The following COP1 variants were observed in gnomAD, a reference collection of about 807,000 sequenced individuals.
COP1 encodes E3 ubiquitin-protein ligase COP1.
A neutral mutation model predicts 101.3 loss-of-function variants in COP1; 24 were observed. The ratio of observed to expected loss-of-function variants is 0.24; its 90% confidence interval spans 0.17 to 0.33. The LOEUF (loss-of-function observed/expected upper bound fraction) is 0.33. Among genes scored for constraint, COP1 ranks in the 10% least tolerant of loss-of-function variants. The pLI, the probability that COP1 is intolerant of heterozygous loss-of-function variation, is 1.00. For missense variants in COP1, 663 were observed against 906.2 expected (o/e 0.73, Z 3.45); for synonymous variants, 347 against 341.9 (o/e 1.01, Z -0.17).
At chr1:176,006,300 C>T (rs1475093392) in intron 15 of COP1, among the ~76,000 whole-genome samples, 2 of 152,084 alleles carry the variant, frequency 1.3e-5, no homozygotes, top group Admixed American at 1.3e-4. Flanking sequence ...GACTCTTTAT[C>T]CAATTTGCCA....
chr1:176,085,160 T>C (rs1021811280), intron 10 of COP1, among the ~76,000 whole-genome samples: 2 of 152,212 alleles, frequency 1.3e-5, no homozygotes, highest in African/African-American at 4.8e-5. Context: ...CTAAGTATCT[T>C]TTTCAGTTAA....
chr1:176,146,985 T>A (rs1472588311), intron 6 of COP1, among the ~76,000 whole-genome samples: 2 of 152,204 alleles, frequency 1.3e-5, no homozygotes, highest in Non-Finnish European at 2.9e-5. Context: ...CCAAAAAGCA[T>A]ATTTAACTTC....
chr1:176,114,506 A>C (rs1236465215), intron 9 of COP1, among the ~76,000 whole-genome samples: 1 of 152,052 alleles, frequency 6.6e-6, no homozygotes, highest in Non-Finnish European at 1.5e-5. Flanking sequence ...AAATAAAGTG[A>C]ATATACAAAT....
At chr1:176,013,729 G>A (rs1324172991) in intron 15 of COP1, among the ~76,000 whole-genome samples, 2 of 152,136 alleles carry the variant, frequency 1.3e-5, no homozygotes, top group Non-Finnish European at 2.9e-5. Flanking sequence ...ACCTTTTATA[G>A]CTGGTATACT....
intron 15 of COP1, chr1:176,018,564 T>C (rs1666092298): frequency 6.6e-6 from 1 of 152,084 alleles, no homozygotes; most frequent in Non-Finnish European, 1.5e-5. Context: ...CTTTTCCTAC[T>C]CTCAATCCTT....
chr1:175,989,186 C>T, intron 16 of COP1, 176 bp downstream of exon 16: 1 of 455,170 alleles, frequency 2.2e-6, no homozygotes. Flanking sequence ...GTGCACAATA[C>T]AGACCAGAAA....
chr1:176,173,456 T>C (rs947828532), intron 3 of COP1, among the ~76,000 whole-genome samples: 16 of 150,402 alleles, frequency 1.1e-4, no homozygotes, highest in African/African-American at 3.7e-4. Flanking sequence ...GAAAACATAG[T>C]GAGACCTTGT....
intron 15 of COP1, among the ~76,000 whole-genome samples, chr1:176,006,021 T>C (rs557893450): frequency 1.6e-4 from 24 of 152,210 alleles, no homozygotes; most frequent in Non-Finnish European, 2.9e-4. Flanking sequence ...GCTTTATGAG[T>C]CTGGGTGCCC....
chr1:176,046,445 A>C, intron 11 of COP1, 121 bp from the exon 12 acceptor site: 2 of 850,462 alleles, frequency 2.4e-6, no homozygotes, highest in Non-Finnish European at 3.6e-6. Context: ...ACTAGACCTC[A>C]TATCCAGATT....
rs114239127 is a variant in COP1, at chr1:176,118,431, A to G, written c.969-1750T>C. On this transcript the variant is annotated intron_variant, in intron 8 of 19. Coordinates refer to ENST00000367669, the MANE Select transcript of COP1 (RefSeq NM_022457.7). ...GTTCTAAGGTTTGACAGAAGATTACAGTGACTATAGTTAACAACAATGTAT... is the reference window on the plus strand; with the variant it reads ...GTTCTAAGGTTTGACAGAAGATTACGGTGACTATAGTTAACAACAATGTAT... Among the ~76,000 whole-genome samples, 1,411 of 152,298 alleles carry G rather than the reference A, an allele frequency of 9.3e-3. 24 individuals carry two copies. The highest frequency in any genetic ancestry group is 0.032 in the African/African-American group (1,341 of 41,550).
intron 15 of COP1, among the ~76,000 whole-genome samples, chr1:175,997,932 A>G (rs1250183758): frequency 6.6e-6 from 1 of 152,056 alleles, no homozygotes; most frequent in Non-Finnish European, 1.5e-5. Context: ...TAATGCTGCT[A>G]TAAAGACACA....
chr1:176,169,024 TG>T (rs1010615502), intron 3 of COP1, among the ~76,000 whole-genome samples: 33 of 152,350 alleles, frequency 2.2e-4, no homozygotes, highest in African/African-American at 7.9e-4. Flanking sequence ...TAAAATTTTT[TG>T]TGTGACAATA....
chr1:176,058,083 TG>T (rs1190461252), intron 11 of COP1, among the ~76,000 whole-genome samples: 1 of 65,474 alleles, frequency 1.5e-5, no homozygotes, highest in African/African-American at 4.9e-5. Flanking sequence ...GGGAGGGAGG[TG>T]GGGAGGTCAG....
intron 2 of COP1, among the ~76,000 whole-genome samples, chr1:176,178,576 G>A (rs957260810): frequency 6.6e-6 from 1 of 152,160 alleles, no homozygotes; most frequent in Non-Finnish European, 1.5e-5. Context: ...AGATGGCCGG[G>A]AGCAGTGGCT....
chr1:175,996,105 A>G (rs1204491845), intron 15 of COP1, among the ~76,000 whole-genome samples: 1 of 152,196 alleles, frequency 6.6e-6, no homozygotes, highest in Non-Finnish European at 1.5e-5. Flanking sequence ...AGGCAAATCA[A>G]TAAATGTAAT....
At chr1:175,985,764 T>C (rs530585171) in intron 18 of COP1, among the ~76,000 whole-genome samples, 16 of 152,346 alleles carry the variant, frequency 1.1e-4, no homozygotes, top group African/African-American at 3.8e-4. Flanking sequence ...GTCCTTTTTT[T>C]CTAATTTTAC....
At chr1:175,997,570 C>A (rs1478148388) in intron 15 of COP1, among the ~76,000 whole-genome samples, 2 of 152,090 alleles carry the variant, frequency 1.3e-5, no homozygotes, top group African/African-American at 4.8e-5. Context: ...CAAACAACCC[C>A]ATGAAAAAGT....
chr1:175,961,638 A>T (rs1354398356), intron 18 of COP1, among the ~76,000 whole-genome samples: 1 of 150,388 alleles, frequency 6.6e-6, no homozygotes, highest in African/African-American at 2.5e-5. Flanking sequence ...CAAGGCTGCA[A>T]TGGGCCTGAA....
In COP1 at chr1:176,124,306, A is replaced by T. The variant is rs186434895; in HGVS notation, c.969-7625T>A. ...TAAGTTATTTTTAAATGTACAATTA[A>T]ATTATTATTGACTATAGTCACCCTG... On this transcript the variant is annotated intron_variant, in intron 8 of 19. Coordinates refer to ENST00000367669, the MANE Select transcript of COP1 (RefSeq NM_022457.7). Among the ~76,000 whole-genome samples, 397 of 152,166 alleles carry T rather than the reference A, an allele frequency of 2.6e-3. 3 individuals carry two copies. The highest frequency in any genetic ancestry group is 9.1e-3 in the African/African-American group (379 of 41,524).
Sources: gnomAD v4.1 joint callset for allele counts (sites outside exome capture counted in the v4.1 genomes callset) on GRCh38, gnomAD v4.1.1 for gene constraint, MANE v1.5 for transcripts, NCBI Gene and HGNC (gene_info 2026-07-23, HGNC 2026-07-21) for gene names.